KDM5A: variants seen among roughly 807,000 people sequenced by gnomAD.
KDM5A encodes the protein lysine demethylase 5A.
In KDM5A, 42 loss-of-function variants were observed where a neutral mutation model predicts 193.5. That is an observed-to-expected ratio of 0.22 (90% CI 0.17 to 0.28). KDM5A has a LOEUF of 0.28. Among genes scored for constraint, KDM5A ranks in the 10% least tolerant of loss-of-function variants. The pLI, the probability that KDM5A is intolerant of heterozygous loss-of-function variation, is 1.00. For synonymous variants in KDM5A, 796 were observed against 718.1 expected, an observed-to-expected ratio of 1.11 and a Z score of -1.73; for missense variants, 1,692 against 2,055.1, an observed-to-expected ratio of 0.82 and a Z score of 3.42.
intron 24 of KDM5A, among the ~76,000 whole-genome samples, chr12:304,695 A>G (rs1943484272): frequency 6.6e-6 from 1 of 152,094 alleles, no homozygotes; most frequent in African/African-American, 2.4e-5. Flanking sequence ...AAATTCCTCC[A>G]CAAAAAGACT....
intron 19 of KDM5A, 84 bp from the exon 20 acceptor site, chr12:313,278 T>C: frequency 4.0e-6 from 6 of 1,483,856 alleles, no homozygotes; most frequent in Non-Finnish European, 5.6e-6. Context: ...AACTTTCATT[T>C]ACATGATTTC....
Position 381,698 on chromosome 12 carries a change from A to G in KDM5A, c.366+2333T>C, listed in dbSNP as rs538290557. ...ACATCATTACCTGACTGATTAAAAAAAGTCTCAAGCTGTATTTTAGCGTAA... is the reference window on the plus strand; with the variant it reads ...ACATCATTACCTGACTGATTAAAAAGAGTCTCAAGCTGTATTTTAGCGTAA... On this transcript the variant is annotated intron_variant, in intron 3 of 27. Coordinates refer to ENST00000399788, the MANE Select transcript of KDM5A (RefSeq NM_001042603.3). Among the ~76,000 whole-genome samples, 11 of 152,346 alleles carry G rather than the reference A, an allele frequency of 7.2e-5. No individual in the cohort carries two copies. In the South Asian group the frequency reaches 2.3e-3, roughly 32 times the overall value.
chr12:323,082 C>CT lies in KDM5A; in HGVS notation c.2274dup (p.Asp759ArgfsTer4). On this transcript the variant is annotated frameshift_variant and splice_region_variant, in exon 16 of 28. Coordinates refer to ENST00000399788, the MANE Select transcript of KDM5A (RefSeq NM_001042603.3). LOFTEE classifies it high-confidence loss of function. ...TGCATACAAAAGAAGGAAATTTAAC[C>CT]TTTTTTGTGGTTGAAGTTAGCAGAC... is the stretch of plus-strand genomic sequence containing the variant. The CT allele has an allele frequency of 6.2e-7, 1 of 1,613,284 alleles. No homozygotes were observed.
At chr12:382,185 A>G (rs1944582557) in intron 3 of KDM5A, among the ~76,000 whole-genome samples, 1 of 150,872 alleles carries the variant, frequency 6.6e-6, no homozygotes, top group Non-Finnish European at 1.5e-5. Flanking sequence ...TAATCCCAAC[A>G]CTCTGGGAGG....
chr12:328,763 T>C, intron 14 of KDM5A, 72 bp downstream of exon 14: 1 of 1,399,978 alleles, frequency 7.1e-7, no homozygotes, highest in South Asian at 1.2e-5. Context: ...GGGATGAAAA[T>C]TCTACCTATA....
intron 3 of KDM5A, among the ~76,000 whole-genome samples, chr12:372,817 G>T (rs1490456279): frequency 6.6e-6 from 1 of 152,096 alleles, no homozygotes; most frequent in Non-Finnish European, 1.5e-5. Context: ...GTTGAATTTT[G>T]TCAAAGGCCT....
At chr12:292,051 C>T (rs531052959) in intron 27 of KDM5A, among the ~76,000 whole-genome samples, 4 of 152,004 alleles carry the variant, frequency 2.6e-5, no homozygotes, top group South Asian at 4.2e-4. Context: ...TACAGGTGTC[C>T]GCCACCACAC....
chr12:310,878 C>A lies in KDM5A; in HGVS notation c.3216+7G>T. 7 of 1,614,022 alleles carry A rather than the reference C, an allele frequency of 4.3e-6. No individual in the cohort carries two copies. Among genetic ancestry groups the A allele is most frequent in the South Asian group, 1.1e-5 (1 of 91,066 alleles). On this transcript the variant is annotated splice_region_variant and intron_variant, in intron 21 of 27. Transcript: ENST00000399788. The stretch of plus-strand genomic sequence containing the variant: ...AGCTGCTTATGAGAGTGTTGAAGTT[C>A]AAGTACCTGTAACAATGTATGGCTA...
rs200902311 is a variant in KDM5A at position 355,175 on chromosome 12, T to G, written c.853A>C (p.Thr285Pro). The change falls in exon 7 of 28, where the codon ACT becomes CCT. Residue 285 changes from threonine (T) to proline (P), a missense_variant. By Grantham distance (38) the Thr-to-Pro change is conservative. Transcript: ENST00000399788. The stretch of plus-strand genomic sequence containing the variant: ...ACACTTACAAAGTTAACAGAGAGAG[T>G]GCCTTTCCGTTGTCTCATTTGCATG... ...FNMQMRQRKG[T>P]LSVNFVDLYV... 1 of 1,605,112 alleles carries G rather than the reference T, an allele frequency of 6.2e-7. No homozygotes were observed. Among genetic ancestry groups the G allele is most frequent in the Non-Finnish European group, 8.5e-7 (1 of 1,171,870 alleles).
chr12:318,870 G>A (rs1021771994), intron 18 of KDM5A, among the ~76,000 whole-genome samples: 1 of 152,222 alleles, frequency 6.6e-6, no homozygotes, highest in Non-Finnish European at 1.5e-5. Context: ...GCACAACAGA[G>A]AATGACCAGA....
intron 10 of KDM5A, among the ~76,000 whole-genome samples, chr12:349,164 G>A (rs1944117542): frequency 6.6e-6 from 1 of 151,724 alleles, no homozygotes; most frequent in Non-Finnish European, 1.5e-5. Flanking sequence ...AGGATTACAG[G>A]CATGTGCCAC....
chr12:355,168 G>C lies in KDM5A; in HGVS notation c.860C>G (p.Ser287Cys), dbSNP rs769099791. 5 of 1,600,758 alleles carry C rather than the reference G, an allele frequency of 3.1e-6. No homozygotes were observed. Among genetic ancestry groups the C allele is most frequent in the East Asian group, 2.2e-5 (1 of 44,816 alleles). ...MQMRQRKGTL[S>C]VNFVDLYVCM... The stretch of plus-strand genomic sequence containing the variant: ...CCCCAAAACACTTACAAAGTTAACA[G>C]AGAGAGTGCCTTTCCGTTGTCTCAT... Residue 287 changes from serine (S) to cysteine (C), a missense_variant, in exon 7 of 28, where the codon TCT becomes TGT. Around this residue, in one of 11 missense-constraint regions of KDM5A, gnomAD observed 134 missense variants for 124.2 expected, o/e 1.08. Coordinates refer to ENST00000399788, the MANE Select transcript of KDM5A (RefSeq NM_001042603.3).
In KDM5A at chr12:354,351, A is replaced by G. The variant is rs1944203639; in HGVS notation, c.871-117T>C. On this transcript the variant is annotated intron_variant, in intron 7 of 27. Coordinates refer to ENST00000399788, the MANE Select transcript of KDM5A (RefSeq NM_001042603.3). ...CAACTGAAAAGTAAACATAACTTAA[A>G]TCCTGAATGTCTATTTCAAGTAATT... is the stretch of plus-strand genomic sequence containing the variant. 3 of 702,196 alleles carry G rather than the reference A, an allele frequency of 4.3e-6. No homozygotes were observed. In the South Asian group the frequency reaches 5.6e-5, roughly 13 times the overall value. 43.5% of individuals were successfully genotyped at this position (702,196 alleles called of 1,614,324 possible). A position where few individuals can be genotyped will look rare whatever the true frequency, so the allele number is the denominator to read the frequency against.
intron 3 of KDM5A, among the ~76,000 whole-genome samples, chr12:369,079 G>A (rs981178134): frequency 6.6e-6 from 1 of 152,116 alleles, no homozygotes; most frequent in African/African-American, 2.4e-5. Flanking sequence ...CTAAAAGCTT[G>A]GTAGAAACAC....
At chr12:363,123 A>G (rs1185022664) in intron 4 of KDM5A, 26 bp from the exon 5 acceptor site, 1 of 1,613,582 alleles carries the variant, frequency 6.2e-7, no homozygotes, top group African/African-American at 1.3e-5. Context: ...ACAGAAAGAG[A>G]GCAGGTTCAC....
chr12:335,361 A>G (rs1943915771), intron 10 of KDM5A, among the ~76,000 whole-genome samples: 3 of 152,252 alleles, frequency 2.0e-5, no homozygotes, highest in Admixed American at 2.0e-4. Context: ...GGATCCACTA[A>G]GTCAAACTAT....
At position 383,231 on chromosome 12, in the gene KDM5A, TG is replaced by T. The variant is rs1341105532; in HGVS notation, c.366+799del. Reference sequence around the variant, plus strand: ...TGCCAAATTTTCTCTTTTTTTTTTTTGAGACAGGGTCTAACTCCTGTGGCCA... The same window carrying T: ...TGCCAAATTTTCTCTTTTTTTTTTTTAGACAGGGTCTAACTCCTGTGGCCA... On this transcript the variant is annotated intron_variant, in intron 3 of 27. Coordinates refer to ENST00000399788, the MANE Select transcript of KDM5A (RefSeq NM_001042603.3). Among the ~76,000 whole-genome samples the T allele has an allele frequency of 2.9e-3, 415 of 143,382 alleles. 2 individuals are homozygous for T. Among genetic ancestry groups the T allele is most frequent in the African/African-American group, 0.01 (397 of 38,720 alleles). The allele number at this position is 143,382 out of a possible 152,430, so 94.1% of individuals were successfully genotyped here. A position where few individuals can be genotyped will look rare whatever the true frequency, so the allele number is the denominator to read the frequency against.
chr12:280,459 C>T lies in KDM5A; in HGVS notation c.*4997G>A. ...GAGGTAATCAGATTCCCCTCCCTGC[C>T]CCCGCTCTTTCAACCAACCCTCCTC... On this transcript the variant is annotated 3_prime_UTR_variant, in exon 28 of 28. Transcript: ENST00000399788. 4.3e-6 allele frequency: 1 copy of T among 233,066 alleles called. No individual in the cohort carries two copies. The highest frequency in any genetic ancestry group is 8.5e-6 in the Non-Finnish European group (1 of 117,954). The allele number at this position is 233,066 out of a possible 1,614,324, so 14.4% of individuals were successfully genotyped here. A position where few individuals can be genotyped will look rare whatever the true frequency, so the allele number is the denominator to read the frequency against.
rs184837679 is a variant in KDM5A, at chr12:350,014, G to C, written c.1308+607C>G. 2.2e-3 allele frequency among the ~76,000 whole-genome samples: 337 copies of C among 152,148 alleles called. 2 individuals carry two copies. The highest frequency in any genetic ancestry group is 7.6e-3 in the African/African-American group (317 of 41,526). ...GTGGTGGTGCATGCCTGTAATCCCA[G>C]CTACTTGGGAGGTTGAGGCAGGGGA... On this transcript the variant is annotated intron_variant, in intron 10 of 27. Transcript: ENST00000399788.
Sources: allele counts gnomAD v4.1 joint callset (sites outside exome capture counted in the v4.1 genomes callset), GRCh38; gene constraint gnomAD v4.1.1; regional missense constraint gnomAD v4.1.1; transcripts MANE v1.5; gene names NCBI Gene and HGNC (gene_info 2026-07-23, HGNC 2026-07-21).